Variants in AP1B1 observed in about 807,000 individuals in gnomAD.
AP1B1 encodes the protein AP-1 complex subunit beta-1.
In AP1B1, 36 loss-of-function variants were observed where a neutral mutation model predicts 104.3. That is an observed-to-expected ratio of 0.35 (90% CI 0.26 to 0.46). AP1B1 has a LOEUF of 0.46. AP1B1 is among the 20% of genes least tolerant of loss of function. AP1B1 has a pLI of 1.00. For synonymous variants in AP1B1, 504 were observed against 517.5 expected (o/e 0.97, Z 0.35); for missense variants, 901 against 1,247.9 (o/e 0.72, Z 4.19).
chr22:29,382,956 G>A (rs1243469623), intron 1 of AP1B1, among the ~76,000 whole-genome samples: 1 of 152,120 alleles, frequency 6.6e-6, no homozygotes. Flanking sequence ...ATAAGTTCTG[G>A]CTGCTATGCC....
chr22:29,350,072 C>T lies in AP1B1; in HGVS notation c.1234G>A (p.Val412Met), dbSNP rs773139106. 56 of 1,614,064 alleles carry T rather than the reference C, an allele frequency of 3.5e-5. No individual in the cohort carries two copies. The highest frequency in any genetic ancestry group is 4.1e-5 in the Non-Finnish European group (48 of 1,180,022). ...TTGCGGAAGATGTCCTTGATGACCA[C>T]GATGGCCTCCTGGACCACATAGTTG... ...KVNYVVQEAI[V>M]VIKDIFRKYP... Residue 412 changes from valine to methionine, a missense_variant, in exon 10 of 23, where the codon GTG becomes ATG. Physicochemically the swap from Val to Met is conservative, Grantham distance 21 (BLOSUM62 1). Around this residue, in one of 3 missense-constraint regions of AP1B1, gnomAD observed 471 missense variants for 696.7 expected, o/e 0.68. Coordinates refer to ENST00000357586, the MANE Select transcript of AP1B1 (RefSeq NM_001127.4).
At position 29,328,928 on chromosome 22, in the gene AP1B1, G is replaced by T; in HGVS notation, c.2776-33C>A. 4 of 1,592,596 alleles carry T rather than the reference G, an allele frequency of 2.5e-6. No homozygotes were observed. The highest frequency in any genetic ancestry group is 1.1e-5 in the South Asian group (1 of 87,464). On this transcript the variant is annotated intron_variant, in intron 22 of 22. Transcript: ENST00000357586. The surrounding 1 kb of genome is among the most constrained non-coding windows in gnomAD (Gnocchi z 4.1). ...GGAGAGAGGGGTCGGGGGAAAGAGC[G>T]CTCATCCCTGGGGTTCCTCTCAGGA...
chr22:29,362,791 C>T (rs190256506), intron 3 of AP1B1, among the ~76,000 whole-genome samples: 1 of 152,194 alleles, frequency 6.6e-6, no homozygotes, highest in Non-Finnish European at 1.5e-5. Context: ...CCAGTTAACT[C>T]ACTCCATAAC....
At chr22:29,335,772 CT>C (rs935314388) in intron 16 of AP1B1, among the ~76,000 whole-genome samples, 10 of 152,234 alleles carry the variant, frequency 6.6e-5, no homozygotes, top group Non-Finnish European at 1.3e-4. Context: ...GCTGTTCCCT[CT>C]GCTTTGAAAG....
At chr22:29,329,233 TG>T in intron 22 of AP1B1, 1 of 1,198,888 alleles carries the variant, frequency 8.3e-7, no homozygotes, top group East Asian at 4.8e-5. Flanking sequence ...CCTGAAGGTC[TG>T]GGGTCCTCAG....
chr22:29,330,010 A>G, intron 21 of AP1B1: 1 of 1,409,188 alleles, frequency 7.1e-7, no homozygotes, highest in Non-Finnish European at 9.2e-7. Flanking sequence ...TGGGAGGTTC[A>G]GGCTCCTGGG....
In AP1B1 at chr22:29,374,258, A is replaced by G. The variant is rs550239918; in HGVS notation, c.-27-6988T>C. ...AATAAAACTCAAATCTGGAGAAGAA[A>G]GGAAGAATGAAACATTGCATCCAGA... On this transcript the variant is annotated intron_variant, in intron 1 of 22. Coordinates refer to ENST00000357586, the MANE Select transcript of AP1B1 (RefSeq NM_001127.4). 3.6e-3 allele frequency among the ~76,000 whole-genome samples: 475 copies of G among 133,074 alleles called. 2 individuals are homozygous for G. Among genetic ancestry groups the G allele is most frequent in the African/African-American group, 0.014 (456 of 32,048 alleles). The allele number at this position is 133,074 out of a possible 152,430, so 87.3% of individuals were successfully genotyped here. A position where few individuals can be genotyped will look rare whatever the true frequency, so the allele number is the denominator to read the frequency against.
chr22:29,375,493 G>A (rs542996476), intron 1 of AP1B1, among the ~76,000 whole-genome samples: 3 of 152,028 alleles, frequency 2.0e-5, no homozygotes, highest in South Asian at 2.1e-4. Context: ...CCAAATGTTT[G>A]CTGGCAAAAT....
rs1602709863 is a variant in AP1B1, at chr22:29,342,218, T to C, written c.1536+67A>G. 2.9e-6 allele frequency: 4 copies of C among 1,374,178 alleles called. No homozygotes were observed. The East Asian group carries it at 7.2e-5, about 25-fold the overall frequency. 85.1% of individuals were successfully genotyped at this position (1,374,178 alleles called of 1,614,324 possible). On this transcript the variant is annotated intron_variant, in intron 12 of 22. Transcript: ENST00000357586. ...GGGCCTGGCTTCCAGGTCTAGTTCCTGGGACAAAAGTTCCCCTGCTTGAGT... is the reference window on the plus strand; with the variant it reads ...GGGCCTGGCTTCCAGGTCTAGTTCCCGGGACAAAAGTTCCCCTGCTTGAGT...
intron 16 of AP1B1, among the ~76,000 whole-genome samples, chr22:29,337,862 C>T (rs1383425195): frequency 2.0e-5 from 3 of 152,228 alleles, no homozygotes; most frequent in Non-Finnish European, 4.4e-5. Context: ...CCCCCGGGGC[C>T]GGTGCTTCTG....
intron 16 of AP1B1, among the ~76,000 whole-genome samples, chr22:29,337,603 T>C (rs2061656469): frequency 6.6e-6 from 1 of 152,198 alleles, no homozygotes; most frequent in African/African-American, 2.4e-5. Flanking sequence ...ACACAACTTC[T>C]GATCTGAGTG....
chr22:29,377,614 G>A (rs1013571005), intron 1 of AP1B1, among the ~76,000 whole-genome samples: 7 of 151,990 alleles, frequency 4.6e-5, no homozygotes, highest in Non-Finnish European at 1.0e-4. Flanking sequence ...TTTGAGACCA[G>A]CCTGGTCAAC....
chr22:29,385,137 C>T (rs112193153), intron 1 of AP1B1, among the ~76,000 whole-genome samples: 1,555 of 152,300 alleles, frequency 0.01, 38 homozygotes, highest in African/African-American at 0.036. Context: ...GTAATCCCAG[C>T]ACTTTGGGAG....
Position 29,340,664 on chromosome 22 carries a change from C to A in AP1B1, c.1990G>T (p.Asp664Tyr). Reference protein sequence around the residue: ...GAVDLLGGGLDSLMGDEPEGI... With the variant: ...GAVDLLGGGLYSLMGDEPEGI... ...GGGGGCCCACAACATACCAGGCTGT[C>A]AAGGCCACCGCCAAGAAGGTCCACA... The change falls in exon 14 of 23, where the codon GAC becomes TAC. Residue 664 changes from aspartate to tyrosine, a missense_variant. Asp to Tyr is a radical substitution (Grantham distance 160). Coordinates refer to ENST00000357586, the MANE Select transcript of AP1B1 (RefSeq NM_001127.4). 6.4e-7 allele frequency: 1 copy of A among 1,554,868 alleles called. No individual in the cohort carries two copies. The highest frequency in any genetic ancestry group is 8.7e-7 in the Non-Finnish European group (1 of 1,147,430).
intron 11 of AP1B1, among the ~76,000 whole-genome samples, chr22:29,348,092 G>A (rs531462646): frequency 2.0e-5 from 3 of 152,308 alleles, no homozygotes; most frequent in South Asian, 2.1e-4. Context: ...ATAAATGAGA[G>A]GGCAGTGTAG....
intron 2 of AP1B1, among the ~76,000 whole-genome samples, chr22:29,363,510 T>C (rs900978583): frequency 1.3e-5 from 2 of 151,994 alleles, no homozygotes; most frequent in African/African-American, 2.4e-5. Context: ...TAGCCGGGCA[T>C]AGTGGCGCGT....
chr22:29,367,042 A>G (rs2096694250), intron 2 of AP1B1, among the ~76,000 whole-genome samples, 165 bp downstream of exon 2: 1 of 151,958 alleles, frequency 6.6e-6, no homozygotes, highest in Non-Finnish European at 1.5e-5. Context: ...AATTTCTTAT[A>G]TCATCAACAG....
Position 29,329,719 on chromosome 22 carries a change from T to C in AP1B1, c.2768A>G (p.Asp923Gly). 1.9e-6 allele frequency: 3 copies of C among 1,613,584 alleles called. No homozygotes were observed. Among genetic ancestry groups the C allele is most frequent in the Non-Finnish European group, 2.5e-6 (3 of 1,179,746 alleles). Reference protein sequence around the residue: ...RIQPGNPSCTDLELSLKCRAP... With the variant: ...RIQPGNPSCTGLELSLKCRAP... ...AGAAAGCGATCTGCTAACCTCTAAGTCCTGCACCACGGGAACCAGCAGGGA... is the reference window on the plus strand; with the variant it reads ...AGAAAGCGATCTGCTAACCTCTAAGCCCTGCACCACGGGAACCAGCAGGGA... The change falls in exon 22 of 23, where the codon GAC becomes GGC. Residue 923 changes from aspartate (D) to glycine (G), a missense_variant and splice_region_variant. Transcript: ENST00000357586.
intron 1 of AP1B1, among the ~76,000 whole-genome samples, chr22:29,374,474 TAGG>T: frequency 6.6e-6 from 1 of 152,298 alleles, no homozygotes; most frequent in East Asian, 1.9e-4. Context: ...TGACTACAAA[TAGG>T]AGAATGGCAG....
Sources: allele counts gnomAD v4.1 joint callset (sites outside exome capture counted in the v4.1 genomes callset), GRCh38; gene constraint gnomAD v4.1.1; regional missense constraint gnomAD v4.1.1; non-coding constraint Gnocchi (gnomAD v3.1); transcripts MANE v1.5; gene names NCBI Gene and HGNC (gene_info 2026-07-23, HGNC 2026-07-21).